Variants in PCSK7 observed in about 807,000 individuals in gnomAD.
PCSK7 encodes the protein proprotein convertase subtilisin/kexin type 7.
PCSK7 carries 38 observed loss-of-function variants against 73.3 expected under a neutral mutation model. That is an observed-to-expected ratio of 0.52 (90% confidence interval 0.40 to 0.68). The LOEUF is 0.68. Among genes scored for constraint, PCSK7 ranks in the 30% least tolerant of loss-of-function variants. PCSK7 has a pLI of 0.00. For missense variants in PCSK7, 692 were observed against 991.5 expected, an observed-to-expected ratio of 0.70 and a Z score of 4.06; for synonymous variants, 296 against 383.8, an observed-to-expected ratio of 0.77 and a Z score of 2.68.
Position 117,204,386 on chromosome 11 carries a change from G to A in PCSK7, c.*1611C>T. On this transcript the variant is annotated 3_prime_UTR_variant, in exon 17 of 17. Transcript: ENST00000320934. The stretch of plus-strand genomic sequence containing the variant: ...GCGGAGAGGGCTAGCCCTGAGCCCG[G>A]CCCTCCCCCAGCTCCTTGGCTGCAG... The A allele has an allele frequency of 6.2e-7, 1 of 1,614,106 alleles. No homozygotes were observed. Among genetic ancestry groups the A allele is most frequent in the Non-Finnish European group, 8.5e-7 (1 of 1,179,964 alleles).
intron 6 of PCSK7, 189 bp downstream of exon 6, chr11:117,225,742 G>A (rs1348375011): frequency 3.3e-6 from 2 of 614,368 alleles, no homozygotes; most frequent in African/African-American, 3.7e-5. Flanking sequence ...GATTACGGGG[G>A]TGACGGGGGC....
intron 12 of PCSK7, chr11:117,210,190 T>C (rs2031660689): frequency 6.6e-6 from 1 of 152,216 alleles, no homozygotes; most frequent in Non-Finnish European, 1.5e-5. Context: ...TATACTTTAA[T>C]TGTGTGAAAC....
Position 117,224,009 on chromosome 11 carries a change from G to C in PCSK7, c.1054+69C>G. The C allele has an allele frequency of 4.0e-6, 6 of 1,490,672 alleles. No homozygotes were observed. In the South Asian group the frequency reaches 6.9e-5, roughly 17 times the overall value. 92.3% of individuals were successfully genotyped at this position (1,490,672 alleles called of 1,614,324 possible). A position where few individuals can be genotyped will look rare whatever the true frequency, so the allele number is the denominator to read the frequency against. On this transcript the variant is annotated intron_variant, in intron 8 of 16. Coordinates refer to ENST00000320934, the MANE Select transcript of PCSK7 (RefSeq NM_004716.4). ...ACATTTAGACACACACAGAAGCTAG[G>C]ACAAGACGTGTGATGCCCTAACCCT... is the stretch of plus-strand genomic sequence containing the variant.
chr11:117,218,490 G>A lies in PCSK7; in HGVS notation c.1510C>T (p.Arg504Cys), dbSNP rs764243815. Residue 504 changes from arginine (R) to cysteine (C), a missense_variant, in exon 12 of 17, where the codon CGT becomes TGT. By Grantham distance (180) the Arg-to-Cys change is radical (BLOSUM62 -3). Coordinates refer to ENST00000320934, the MANE Select transcript of PCSK7 (RefSeq NM_004716.4). The surrounding 1 kb of genome is among the most constrained non-coding windows in gnomAD (Gnocchi z 4.0). ...CCATTCCACAGGACCTCCAGGGAAC[G>A]GGGGGACTGCGGAATCGCCTTGTTT... ...KENKAIPQSP[R>C]SLEVLWNVSR... 19 of 1,602,478 alleles carry A rather than the reference G, an allele frequency of 1.2e-5. No individual in the cohort carries two copies. Among genetic ancestry groups the A allele is most frequent in the South Asian group, 7.8e-5 (7 of 89,842 alleles).
chr11:117,229,790 TG>T lies in PCSK7; in HGVS notation c.54del (p.Thr19ProfsTer7). 6.2e-7 allele frequency: 1 copy of T among 1,609,684 alleles called. No individual in the cohort carries two copies. Among genetic ancestry groups the T allele is most frequent in the Non-Finnish European group, 8.5e-7 (1 of 1,177,470 alleles). Reference sequence around the variant, plus strand: ...CCGGCTAATTCCAGCCAGAGGCAGGTGGGCAGGCCCAGGGGGGCATCCAAGT... The same window carrying T: ...CCGGCTAATTCCAGCCAGAGGCAGGTGGCAGGCCCAGGGGGGCATCCAAGT... Reference protein sequence around the residue: ...VPHLDAPLGLPTCLWLELAGL... With the variant: ...VPHLDAPLGLXTCLWLELAGL... On this transcript the variant is annotated frameshift_variant, in exon 3 of 17. Transcript: ENST00000320934. LOFTEE classifies it high-confidence loss of function.
At chr11:117,223,471 T>C (rs985390432) in intron 8 of PCSK7, 163 bp from the exon 9 acceptor site, 1 of 600,944 alleles carries the variant, frequency 1.7e-6, no homozygotes, top group Non-Finnish European at 3.0e-6. Flanking sequence ...GATCCTCTTC[T>C]GAACAGGCAG....
intron 6 of PCSK7, 87 bp from the exon 7 acceptor site, chr11:117,224,842 T>A: frequency 1.1e-6 from 1 of 939,920 alleles, no homozygotes; most frequent in Non-Finnish European, 1.8e-6. Flanking sequence ...CTGGCTGCCC[T>A]TTGACCTGCA....
chr11:117,215,445 G>C (rs1406496132), intron 12 of PCSK7: 1 of 138,608 alleles, frequency 7.2e-6, no homozygotes, highest in Non-Finnish European at 1.5e-5. Flanking sequence ...CTGTTGTCTA[G>C]GCTGGAGTGC....
chr11:117,217,610 CCTT>C (rs1197362085), intron 12 of PCSK7: 1 of 152,232 alleles, frequency 6.6e-6, no homozygotes, highest in Non-Finnish European at 1.5e-5. Flanking sequence ...TTCTGAGTAA[CCTT>C]CTCTGGCCAT....
intron 5 of PCSK7, 107 bp downstream of exon 5, chr11:117,227,050 C>T: frequency 1.1e-6 from 1 of 875,028 alleles, no homozygotes; most frequent in Non-Finnish European, 1.7e-6. Flanking sequence ...CTATGTGTGT[C>T]AGCTGGGCTA....
intron 4 of PCSK7, 28 bp downstream of exon 4, chr11:117,228,188 T>C (rs1379564171): frequency 5.0e-6 from 8 of 1,608,074 alleles, no homozygotes; most frequent in Non-Finnish European, 6.8e-6. Context: ...ACGTGGGGAG[T>C]GAGGGGTGTC....
chr11:117,230,733 CT>C (rs2032617112), intron 1 of PCSK7, among the ~76,000 whole-genome samples: 1 of 152,182 alleles, frequency 6.6e-6, no homozygotes, highest in African/African-American at 2.4e-5. Context: ...ACCAAAATGC[CT>C]CTTGAAAGAG....
At chr11:117,219,242 G>A (rs2032104004) in intron 10 of PCSK7, 78 bp from the exon 11 acceptor site, 3 of 1,049,000 alleles carry the variant, frequency 2.9e-6, no homozygotes, top group Non-Finnish European at 4.2e-6. Context: ...TTCCCTGCTT[G>A]CCCTGCTGGC....
chr11:117,209,662 ATG>A, intron 12 of PCSK7: 1 of 154,592 alleles, frequency 6.5e-6, no homozygotes, highest in South Asian at 2.0e-4. Flanking sequence ...CAAGCAAATT[ATG>A]TGAGTGAAAA....
Position 117,224,098 on chromosome 11 carries a change from G to A in PCSK7, c.1034C>T (p.Ser345Phe). 1 of 1,579,938 alleles carries A rather than the reference G, an allele frequency of 6.3e-7. No individual in the cohort carries two copies. Among genetic ancestry groups the A allele is most frequent in the Non-Finnish European group, 8.6e-7 (1 of 1,161,880 alleles). The change falls in exon 8 of 17, where the codon TCC becomes TTC. Residue 345 changes from serine to phenylalanine, a missense_variant. Ser to Phe is a radical substitution (Grantham distance 155, BLOSUM62 -2). Transcript: ENST00000320934. ...DNCNYDGYAN[S>F]IYTVTIGAVD... ...ACTACCTATGGTGACGGTGTAGATG[G>A]AGTTGGCGTAGCCATCGTAGTTGCA... is the stretch of plus-strand genomic sequence containing the variant.
At chr11:117,228,714 G>A (rs1376125519) in intron 3 of PCSK7, among the ~76,000 whole-genome samples, 4 of 150,508 alleles carry the variant, frequency 2.7e-5, no homozygotes, top group South Asian at 2.1e-4. Context: ...TCCGCCTCCC[G>A]GATTCACGCC....
intron 10 of PCSK7, 153 bp downstream of exon 10, chr11:117,219,438 C>G (rs1341892079): frequency 2.6e-6 from 2 of 757,864 alleles, no homozygotes; most frequent in East Asian, 5.4e-5. Flanking sequence ...TTTGTGGGGT[C>G]CCCACACCTG....
In PCSK7 at chr11:117,205,501, G is replaced by C. The variant is rs1259733669; in HGVS notation, c.*496C>G. 3 of 234,262 alleles carry C rather than the reference G, an allele frequency of 1.3e-5. No homozygotes were observed. The Admixed American group carries it at 1.7e-4, about 13-fold the overall frequency. 14.5% of individuals were successfully genotyped at this position (234,262 alleles called of 1,614,324 possible). A position where few individuals can be genotyped will look rare whatever the true frequency, so the allele number is the denominator to read the frequency against. Reference sequence around the variant, plus strand: ...AGGGGTTCATTCATGGTTGGTTTCTGATCAGGCATCTTGGGAATGGATAAT... The same window carrying C: ...AGGGGTTCATTCATGGTTGGTTTCTCATCAGGCATCTTGGGAATGGATAAT... On this transcript the variant is annotated 3_prime_UTR_variant, in exon 17 of 17. Transcript: ENST00000320934.
intron 4 of PCSK7, among the ~76,000 whole-genome samples, chr11:117,227,923 C>T (rs1251241711): frequency 2.0e-5 from 3 of 152,118 alleles, no homozygotes; most frequent in Non-Finnish European, 2.9e-5. Context: ...CTAGAGGCCA[C>T]GCTTTAGAGA....
Sources: allele counts gnomAD v4.1 joint callset (sites outside exome capture counted in the v4.1 genomes callset), GRCh38; gene constraint gnomAD v4.1.1; non-coding constraint Gnocchi (gnomAD v3.1); transcripts MANE v1.5; gene names NCBI Gene and HGNC (gene_info 2026-07-23, HGNC 2026-07-21).